MAP7: variants seen among roughly 807,000 people sequenced by gnomAD.
MAP7 encodes ensconsin.
MAP7 carries 52 observed loss-of-function variants against 94.8 expected under a neutral mutation model. The ratio of observed to expected loss-of-function variants is 0.55; its 90% CI spans 0.44 to 0.69. The LOEUF (loss-of-function observed/expected upper bound fraction) is 0.69, where lower values mean the gene tolerates loss of function less well. Ranked by LOEUF, MAP7 falls within the 30% of genes least tolerant of loss-of-function variation. The pLI, the probability that MAP7 is intolerant of heterozygous loss-of-function variation, is 0.00. For synonymous variants in MAP7, 350 were observed against 357.0 expected, an observed-to-expected ratio of 0.98 and a Z score of 0.22; for missense variants, 940 against 964.6, an observed-to-expected ratio of 0.97 and a Z score of 0.34.
intron 1 of MAP7, among the ~76,000 whole-genome samples, chr6:136,427,001 C>T (rs568669036): frequency 6.6e-6 from 1 of 152,328 alleles, no homozygotes; most frequent in Admixed American, 6.5e-5. Flanking sequence ...AGAACTCTGC[C>T]TTCTATAGAA....
Position 136,411,693 on chromosome 6 carries a change from A to G in MAP7, c.171T>C (p.Pro57=). 1 of 1,561,838 alleles carries G rather than the reference A, an allele frequency of 6.4e-7. No individual in the cohort carries two copies. Among genetic ancestry groups the G allele is most frequent in the Non-Finnish European group, 8.7e-7 (1 of 1,151,774 alleles). ...NNNHSGNKPD[P]PPVLRVDDRQ... ...GGTCATCAACACGTAACACAGGCGG[A>G]GGGTCTGAAAGCGAGATTAAAAAAA... The change falls in exon 3 of 18, where the codon CCT becomes CCC. Residue 57 remains proline (P), a synonymous_variant. Coordinates refer to ENST00000354570, the MANE Select transcript of MAP7 (RefSeq NM_003980.6).
intron 7 of MAP7, 42 bp from the exon 8 acceptor site, chr6:136,372,667 G>T (rs1774913573): frequency 1.2e-6 from 2 of 1,613,416 alleles, no homozygotes; most frequent in Non-Finnish European, 1.7e-6. Flanking sequence ...GCAGGTGATT[G>T]GTTTTACACA....
intron 2 of MAP7, 126 bp downstream of exon 2, chr6:136,421,575 G>A (rs1204822268): frequency 1.3e-6 from 1 of 779,330 alleles, no homozygotes; most frequent in Non-Finnish European, 2.1e-6. Context: ...CTGAAACCAA[G>A]CTCTCCTAAA....
At chr6:136,364,105 G>T (rs552526242) in intron 10 of MAP7, 11 of 309,724 alleles carry the variant, frequency 3.6e-5, no homozygotes, top group South Asian at 3.4e-4. Context: ...GCCTGGCAGT[G>T]CCAGCCCCAC....
intron 1 of MAP7, among the ~76,000 whole-genome samples, chr6:136,436,704 T>C (rs1288957265): frequency 1.3e-5 from 2 of 152,190 alleles, no homozygotes; most frequent in African/African-American, 4.8e-5. Flanking sequence ...TTAAAAATCA[T>C]CTGAAATCAC....
chr6:136,514,146 C>T (rs1039367545), intron 1 of MAP7, among the ~76,000 whole-genome samples: 4 of 152,228 alleles, frequency 2.6e-5, no homozygotes, highest in African/African-American at 9.6e-5. Context: ...TTTTCTTTGC[C>T]CAGATCCATC....
At chr6:136,516,675 G>A (rs907375705) in intron 1 of MAP7, among the ~76,000 whole-genome samples, 1 of 152,184 alleles carries the variant, frequency 6.6e-6, no homozygotes, top group African/African-American at 2.4e-5. Context: ...AGTGTTCACA[G>A]CACTTACTTC....
At chr6:136,398,103 C>T (rs1783024590) in intron 3 of MAP7, among the ~76,000 whole-genome samples, 1 of 152,134 alleles carries the variant, frequency 6.6e-6, no homozygotes, top group African/African-American at 2.4e-5. Flanking sequence ...AATCCACTAT[C>T]AATCTAGACT....
chr6:136,533,670 A>G (rs1408403145), intron 1 of MAP7, among the ~76,000 whole-genome samples: 1 of 152,200 alleles, frequency 6.6e-6, no homozygotes, highest in African/African-American at 2.4e-5. Flanking sequence ...TTGAGGGCTC[A>G]GGACGTTTAC....
chr6:136,505,277 G>GTGTGTATATATATA (rs1465266004), intron 1 of MAP7, among the ~76,000 whole-genome samples: 12 of 53,828 alleles, frequency 2.2e-4, no homozygotes, highest in African/African-American at 8.8e-4. Flanking sequence ...GTGTGTGTGT[G>GTGTGTATATATATA]TATATATATA....
rs1171061984 is a variant in MAP7, at chr6:136,365,758, G to A, written c.1250C>T (p.Pro417Leu). 6.2e-7 allele frequency: 1 copy of A among 1,613,886 alleles called. No individual in the cohort carries two copies. Among genetic ancestry groups the A allele is most frequent in the Non-Finnish European group, 8.5e-7 (1 of 1,179,984 alleles). ...VEEATVEERT[P>L]AEPEVGPAAP... ...ACCAGGGCCAACTTCTGGTTCAGCA[G>A]GTGTCCGCTCTTCAACTGTGGCTTC... The change falls in exon 10 of 18, where the codon CCT (proline) becomes CTT (leucine). Residue 417 changes from proline to leucine, a missense_variant. Transcript: ENST00000354570.
intron 1 of MAP7, among the ~76,000 whole-genome samples, chr6:136,523,625 T>C (rs754547094): frequency 4.6e-5 from 7 of 152,342 alleles, no homozygotes; most frequent in East Asian, 1.9e-4. Context: ...GGTTATTTTA[T>C]TGAATGTGTC....
intron 9 of MAP7, 108 bp from the exon 10 acceptor site, chr6:136,366,126 A>G: frequency 8.1e-7 from 1 of 1,239,564 alleles, no homozygotes. Context: ...AGCTCCGTGT[A>G]TTTGTTTTTT....
intron 1 of MAP7, among the ~76,000 whole-genome samples, chr6:136,516,516 A>G (rs1381406432): frequency 6.6e-6 from 1 of 152,176 alleles, no homozygotes; most frequent in Non-Finnish European, 1.5e-5. Context: ...AGTGAAGTGG[A>G]GAGAGGAGAA....
At chr6:136,405,995 G>C (rs1785474977) in intron 3 of MAP7, among the ~76,000 whole-genome samples, 1 of 152,028 alleles carries the variant, frequency 6.6e-6, no homozygotes, top group Non-Finnish European at 1.5e-5. Context: ...AGCATCCCTG[G>C]CTCAATACTA....
At chr6:136,527,425 C>T (rs1236177869) in intron 1 of MAP7, among the ~76,000 whole-genome samples, 1 of 152,216 alleles carries the variant, frequency 6.6e-6, no homozygotes, top group African/African-American at 2.4e-5. Context: ...TACTCCCTTA[C>T]TTTTTCTCAG....
chr6:136,372,981 A>C (rs1395572567), intron 7 of MAP7, among the ~76,000 whole-genome samples: 1 of 152,198 alleles, frequency 6.6e-6, no homozygotes, highest in East Asian at 1.9e-4. Flanking sequence ...TGGTTCTGGA[A>C]AAAAAACTAC....
intron 16 of MAP7, among the ~76,000 whole-genome samples, chr6:136,349,086 G>A (rs1007447666): frequency 2.0e-5 from 3 of 152,006 alleles, no homozygotes; most frequent in African/African-American, 4.8e-5. Flanking sequence ...TGTCCTCCCC[G>A]ACTTGTATTC....
intron 1 of MAP7, among the ~76,000 whole-genome samples, chr6:136,541,896 TA>T (rs1829353830): frequency 1.3e-5 from 2 of 152,002 alleles, no homozygotes; most frequent in African/African-American, 4.8e-5. Context: ...CCCTCTCTAC[TA>T]AAAATCCAAA....
Sources: gnomAD v4.1 joint callset for allele counts (sites outside exome capture counted in the v4.1 genomes callset) on GRCh38, gnomAD v4.1.1 for gene constraint, MANE v1.5 for transcripts, NCBI Gene and HGNC (gene_info 2026-07-23, HGNC 2026-07-21) for gene names.